BACH2: variants seen among roughly 807,000 people sequenced by gnomAD.
BACH2 encodes the protein transcription regulator protein BACH2.
In BACH2, 5 loss-of-function variants were observed where a neutral mutation model predicts 61.8. That is an observed-to-expected ratio of 0.08 (90% CI 0.04 to 0.17). The LOEUF (loss-of-function observed/expected upper bound fraction) is 0.17. BACH2 is among the 10% of genes least tolerant of loss of function. The pLI is 1.00. For missense variants in BACH2, 824 were observed against 1,091.1 expected, an observed-to-expected ratio of 0.76 and a Z score of 3.45; for synonymous variants, 446 against 440.1, an observed-to-expected ratio of 1.01 and a Z score of -0.17.
At chr6:90,065,228 A>C (rs1430242125) in intron 5 of BACH2, among the ~76,000 whole-genome samples, 1 of 146,116 alleles carries the variant, frequency 6.8e-6, no homozygotes, top group African/African-American at 2.5e-5. Context: ...GTTTGGTGTA[A>C]AGCAGTAGGT....
intron 4 of BACH2, among the ~76,000 whole-genome samples, chr6:90,172,063 T>C (rs1582447022): frequency 6.6e-6 from 1 of 152,146 alleles, no homozygotes; most frequent in Non-Finnish European, 1.5e-5. Flanking sequence ...ATTCCAGCAC[T>C]TTGGGAGGCC....
Position 90,015,873 on chromosome 6 carries a change from C to T in BACH2, c.-12-7017G>A, listed in dbSNP as rs554592419. On this transcript the variant is annotated intron_variant, in intron 5 of 8. Coordinates refer to ENST00000257749, the MANE Select transcript of BACH2 (RefSeq NM_021813.4). ...ATTGAGAAGGAGTACTAAAACTTTC[C>T]GGCTACAATTGTAGGCTTGTCTGTC... Among the ~76,000 whole-genome samples, 21 of 152,272 alleles carry T rather than the reference C, an allele frequency of 1.4e-4. No individual in the cohort carries two copies. The South Asian group carries it at 1.9e-3, about 14-fold the overall frequency.
chr6:89,998,262 C>T (rs959437114), intron 6 of BACH2, among the ~76,000 whole-genome samples: 14 of 152,022 alleles, frequency 9.2e-5, no homozygotes, highest in East Asian at 5.8e-4. Context: ...AATGTGCTCA[C>T]GTTGGAGGCC....
intron 4 of BACH2, among the ~76,000 whole-genome samples, chr6:90,152,101 C>G (rs1177691300): frequency 5.9e-5 from 9 of 152,334 alleles, no homozygotes; most frequent in Non-Finnish European, 1.2e-4. Flanking sequence ...ATTGCTTGGT[C>G]AGCTTCAAAT....
chr6:90,031,420 C>G (rs1346165257), intron 5 of BACH2, among the ~76,000 whole-genome samples: 12 of 152,106 alleles, frequency 7.9e-5, no homozygotes, highest in Admixed American at 3.3e-4. Context: ...AATTGTCCCT[C>G]TTTGCAGATG....
At chr6:90,148,372 C>T (rs1443308829) in intron 4 of BACH2, among the ~76,000 whole-genome samples, 1 of 152,104 alleles carries the variant, frequency 6.6e-6, no homozygotes, top group Non-Finnish European at 1.5e-5. Flanking sequence ...AATATTGTAC[C>T]AAACACATTA....
At chr6:90,167,955 A>G (rs941861216) in intron 4 of BACH2, among the ~76,000 whole-genome samples, 9 of 152,270 alleles carry the variant, frequency 5.9e-5, no homozygotes, top group Non-Finnish European at 1.0e-4. Flanking sequence ...GTCATTAAAA[A>G]GTACATATTC....
At chr6:89,998,430 G>T (rs941898558) in intron 6 of BACH2, among the ~76,000 whole-genome samples, 1 of 152,052 alleles carries the variant, frequency 6.6e-6, no homozygotes, top group African/African-American at 2.4e-5. Flanking sequence ...ACATATTTTA[G>T]GAGTCTATGG....
intron 5 of BACH2, among the ~76,000 whole-genome samples, chr6:90,042,708 C>T (rs894173427): frequency 1.3e-5 from 2 of 152,196 alleles, no homozygotes; most frequent in Non-Finnish European, 2.9e-5. Context: ...CAAACTTTCA[C>T]ATAAAATAAT....
chr6:89,983,273 C>T (rs1776054868), intron 6 of BACH2, among the ~76,000 whole-genome samples: 1 of 152,166 alleles, frequency 6.6e-6, no homozygotes, highest in South Asian at 2.1e-4. Context: ...TTATTGAGTA[C>T]CTACTATGTG....
chr6:90,184,427 C>T (rs1432276798), intron 4 of BACH2, among the ~76,000 whole-genome samples: 1 of 152,192 alleles, frequency 6.6e-6, no homozygotes, highest in African/African-American at 2.4e-5. Flanking sequence ...TTCTGAACCT[C>T]ATCAACAGTT....
chr6:90,088,345 A>G (rs1180461283), intron 5 of BACH2, among the ~76,000 whole-genome samples: 2 of 152,200 alleles, frequency 1.3e-5, no homozygotes, highest in African/African-American at 2.4e-5. Context: ...TAATAACAGC[A>G]CTATTAGTCA....
chr6:90,053,355 C>A (rs1780150368), intron 5 of BACH2, among the ~76,000 whole-genome samples: 1 of 152,268 alleles, frequency 6.6e-6, no homozygotes, highest in Admixed American at 6.5e-5. Flanking sequence ...TCAAGGCTCA[C>A]TGCAGTCTTC....
At chr6:90,216,022 G>T (rs1282106662) in intron 3 of BACH2, among the ~76,000 whole-genome samples, 2 of 152,182 alleles carry the variant, frequency 1.3e-5, no homozygotes, top group Non-Finnish European at 2.9e-5. Flanking sequence ...TTAGTAGAAT[G>T]AGAGAAGCAA....
intron 5 of BACH2, among the ~76,000 whole-genome samples, chr6:90,071,682 C>T (rs767586306): frequency 7.2e-5 from 11 of 152,148 alleles, no homozygotes; most frequent in South Asian, 2.1e-4. Flanking sequence ...GGGGTTGGGG[C>T]GCCGATCCCC....
intron 6 of BACH2, among the ~76,000 whole-genome samples, chr6:89,965,911 C>T (rs72923938): frequency 0.061 from 9,307 of 152,210 alleles, 371 homozygotes; most frequent in East Asian, 0.19. Flanking sequence ...GACCTTGATA[C>T]CTGCTGTCAT....
intron 5 of BACH2, among the ~76,000 whole-genome samples, chr6:90,055,343 C>T (rs893485303): frequency 4.6e-5 from 7 of 151,954 alleles, no homozygotes; most frequent in Non-Finnish European, 5.9e-5. Context: ...CCTCAGTAGC[C>T]GATTCGATCA....
chr6:90,218,369 T>C (rs1769612002), intron 3 of BACH2: 2 of 152,194 alleles, frequency 1.3e-5, no homozygotes, highest in African/African-American at 4.8e-5. Flanking sequence ...CATTACCTTA[T>C]ACACAAATGA....
In BACH2 at chr6:90,179,216, T is replaced by TA. The variant is rs568072089; in HGVS notation, c.-162+27352dup. On this transcript the variant is annotated intron_variant, in intron 4 of 8. Coordinates refer to ENST00000257749, the MANE Select transcript of BACH2 (RefSeq NM_021813.4). ...CACTCTAGTGTGTATTTCTATAAAT[T>TA]AAAAAAAAAATGGGAAGAAATTGAT... 5.2e-4 allele frequency among the ~76,000 whole-genome samples: 77 copies of TA among 148,694 alleles called. 1 individual carries two copies. The highest frequency in any genetic ancestry group is 6.7e-4 in the Non-Finnish European group (45 of 66,896).
Sources: gnomAD v4.1 joint callset for allele counts (sites outside exome capture counted in the v4.1 genomes callset) on GRCh38, gnomAD v4.1.1 for gene constraint, MANE v1.5 for transcripts, NCBI Gene and HGNC (gene_info 2026-07-23, HGNC 2026-07-21) for gene names.